SYK: variants seen among roughly 807,000 people sequenced by gnomAD.
The protein encoded by SYK is tyrosine-protein kinase SYK.
A neutral mutation model predicts 77.8 loss-of-function variants in SYK; 16 were observed. That is an observed-to-expected ratio of 0.21 (90% CI 0.14 to 0.31). The LOEUF is 0.31. Among genes scored for constraint, SYK ranks in the 10% least tolerant of loss-of-function variants. SYK has a pLI of 1.00. For missense variants in SYK, 529 were observed against 814.4 expected (o/e 0.65, Z 4.26); for synonymous variants, 312 against 308.7 (o/e 1.01, Z -0.11).
chr9:90,884,916 CAT>C lies in SYK; in HGVS notation c.1582-2825_1582-2824del, dbSNP rs374603911. On this transcript the variant is annotated intron_variant, in intron 11 of 13. Transcript: ENST00000375754. ...ACATATGCACATATGTGTATATATA[CAT>C]ATATATACATATGCACATATGTGTA... is the stretch of plus-strand genomic sequence containing the variant. Among the ~76,000 whole-genome samples the C allele has an allele frequency of 7.6e-5, 6 of 78,650 alleles. 2 individuals are homozygous for C. The highest frequency in any genetic ancestry group is 1.3e-4 in the African/African-American group (2 of 15,720). The allele number at this position is 78,650 out of a possible 152,430, so 51.6% of individuals were successfully genotyped here. A position where few individuals can be genotyped will look rare whatever the true frequency, so the allele number is the denominator to read the frequency against.
intron 13 of SYK, among the ~76,000 whole-genome samples, chr9:90,893,399 CTTTGTTTTTT>C (rs940466082): frequency 6.6e-6 from 1 of 151,990 alleles, no homozygotes; most frequent in Non-Finnish European, 1.5e-5. Context: ...TTTTGTTTTG[CTTTGTTTTTT>C]CATTTTTTCC....
chr9:90,878,622 G>T, intron 10 of SYK, 142 bp from the exon 11 acceptor site: 1 of 642,412 alleles, frequency 1.6e-6, no homozygotes, highest in Non-Finnish European at 2.7e-6. Context: ...TGCTAACAAA[G>T]TTATTTGTCA....
chr9:90,811,533 A>T (rs1825070450), intron 1 of SYK, among the ~76,000 whole-genome samples: 1 of 152,234 alleles, frequency 6.6e-6, no homozygotes, highest in Non-Finnish European at 1.5e-5. Context: ...CTTCTAAAAA[A>T]TGTGGAATTT....
chr9:90,824,741 T>TAAA (rs560590829), intron 1 of SYK, among the ~76,000 whole-genome samples: 5 of 145,050 alleles, frequency 3.4e-5, no homozygotes, highest in African/African-American at 1.0e-4. Context: ...TAAAGAGCAT[T>TAAA]AAAAAAAAAA....
At chr9:90,854,249 G>A (rs1826934486) in intron 3 of SYK, among the ~76,000 whole-genome samples, 1 of 152,230 alleles carries the variant, frequency 6.6e-6, no homozygotes. Flanking sequence ...TGCCCCGAGT[G>A]TGCAGCATGG....
At chr9:90,835,253 T>A (rs4744509) in intron 1 of SYK, among the ~76,000 whole-genome samples, 65,307 of 151,992 alleles carry the variant, frequency 0.43, 14,516 homozygotes, top group Middle Eastern at 0.56. Flanking sequence ...GGGGGATGTG[T>A]TTTGACCACA....
chr9:90,837,923 A>C (rs950773965), intron 1 of SYK, among the ~76,000 whole-genome samples: 2 of 152,214 alleles, frequency 1.3e-5, no homozygotes, highest in Non-Finnish European at 2.9e-5. Flanking sequence ...GTGAGTGGCC[A>C]ATGCTTCTGG....
chr9:90,813,235 G>A (rs1026931960), intron 1 of SYK, among the ~76,000 whole-genome samples: 4 of 152,040 alleles, frequency 2.6e-5, no homozygotes, highest in East Asian at 1.9e-4. Context: ...TCTGGGCCTC[G>A]CTGGCTGCAG....
rs1285270310 is a variant in SYK at position 90,897,586 on chromosome 9, A to T, written c.*1986A>T. The T allele has an allele frequency of 4.4e-6, 1 of 229,510 alleles. No individual in the cohort carries two copies. The highest frequency in any genetic ancestry group is 8.6e-6 in the Non-Finnish European group (1 of 115,740). The allele number at this position is 229,510 out of a possible 1,614,324, so 14.2% of individuals were successfully genotyped here. A position where few individuals can be genotyped will look rare whatever the true frequency, so the allele number is the denominator to read the frequency against. On this transcript the variant is annotated 3_prime_UTR_variant, in exon 14 of 14. Coordinates refer to ENST00000375754, the MANE Select transcript of SYK (RefSeq NM_003177.7). ...GGCCCCGTGCTCGTAGGAATACGGT[A>T]GCACCTATGTAGGAAGTGCGTGGAG...
chr9:90,866,785 A>G (rs41274658), intron 6 of SYK, among the ~76,000 whole-genome samples: 8,669 of 152,302 alleles, frequency 0.057, 288 homozygotes, highest in South Asian at 0.16. Flanking sequence ...AAGCAACACA[A>G]CTGAGCACTC....
chr9:90,845,093 A>G (rs1306353069), intron 2 of SYK, among the ~76,000 whole-genome samples: 1 of 151,978 alleles, frequency 6.6e-6, no homozygotes, highest in African/African-American at 2.4e-5. Context: ...GTGCCACCAC[A>G]CCTGGCTAAT....
At chr9:90,864,383 T>A (rs1827390324) in intron 4 of SYK, among the ~76,000 whole-genome samples, 1 of 152,064 alleles carries the variant, frequency 6.6e-6, no homozygotes, top group South Asian at 2.1e-4. Flanking sequence ...ACAGAAAAAA[T>A]TTGCTGCCCC....
At chr9:90,861,245 A>G (rs903772547) in intron 3 of SYK, among the ~76,000 whole-genome samples, 8 of 152,004 alleles carry the variant, frequency 5.3e-5, no homozygotes, top group African/African-American at 1.7e-4. Flanking sequence ...CGTGGCATGC[A>G]CTGCAGTGGG....
chr9:90,839,973 T>C (rs1826232356), intron 1 of SYK, among the ~76,000 whole-genome samples: 1 of 151,932 alleles, frequency 6.6e-6, no homozygotes, highest in Non-Finnish European at 1.5e-5. Flanking sequence ...GATGTGCGCT[T>C]TGAGGGAGGA....
chr9:90,825,606 T>G (rs1178666791), intron 1 of SYK, among the ~76,000 whole-genome samples: 1 of 152,232 alleles, frequency 6.6e-6, no homozygotes, highest in East Asian at 1.9e-4. Flanking sequence ...TAGTTTTGAC[T>G]GTGGGGACAG....
At chr9:90,862,750 A>G (rs543677149) in intron 4 of SYK, among the ~76,000 whole-genome samples, 23 of 152,344 alleles carry the variant, frequency 1.5e-4, no homozygotes, top group Admixed American at 1.4e-3. Context: ...TATTCTAACT[A>G]GAGCCCAGAA....
intron 1 of SYK, among the ~76,000 whole-genome samples, chr9:90,835,610 G>A (rs1056725951): frequency 1.3e-5 from 2 of 152,174 alleles, no homozygotes; most frequent in Non-Finnish European, 2.9e-5. Flanking sequence ...AGATGGGGAA[G>A]GAGAGATGGG....
intron 9 of SYK, among the ~76,000 whole-genome samples, chr9:90,875,661 T>C (rs1377966269): frequency 1.3e-5 from 2 of 152,234 alleles, no homozygotes; most frequent in Non-Finnish European, 2.9e-5. Flanking sequence ...CAAATATGAT[T>C]AGTATAATTA....
chr9:90,842,152 G>T (rs911211493), intron 1 of SYK, among the ~76,000 whole-genome samples: 1 of 151,548 alleles, frequency 6.6e-6, no homozygotes, highest in Admixed American at 6.6e-5. Context: ...TGTGCAGTGT[G>T]TGTTGTTTGT....
Sources: gnomAD v4.1 joint callset for allele counts (sites outside exome capture counted in the v4.1 genomes callset) on GRCh38, gnomAD v4.1.1 for gene constraint, MANE v1.5 for transcripts, NCBI Gene and HGNC (gene_info 2026-07-23, HGNC 2026-07-21) for gene names.